EXPH5: variants seen among roughly 807,000 people sequenced by gnomAD.
The protein encoded by EXPH5 is exophilin 5.
In EXPH5, 42 loss-of-function variants were observed where a neutral mutation model predicts 41.1. The ratio of observed to expected loss-of-function variants is 1.02; its 90% CI spans 0.80 to 1.32. The LOEUF is 1.32. Among genes scored for constraint, EXPH5 ranks in the 40% most tolerant of loss-of-function variants. The pLI, the probability that EXPH5 is intolerant of heterozygous loss-of-function variation, is 0.00. For synonymous variants in EXPH5, 798 were observed against 833.5 expected (o/e 0.96, Z 0.73); for missense variants, 2,298 against 2,314.5 (o/e 0.99, Z 0.15).
rs2093713269 is a variant in EXPH5, at chr11:108,514,803, T to C, written c.704A>G (p.Asn235Ser). Residue 235 changes from asparagine to serine, a missense_variant, in exon 6 of 6, where the codon AAC becomes AGC. Transcript: ENST00000265843. ...ASSVNTRTPL[N>S]YGSRTQFGHF... ...ACCGAACTGTGTTCTTGATCCATAG[T>C]TGAGGGGTGTTCTGGTATTCACTGA... 1 of 1,596,264 alleles carries C rather than the reference T, an allele frequency of 6.3e-7. No homozygotes were observed. The highest frequency in any genetic ancestry group is 1.3e-5 in the African/African-American group (1 of 74,200).
chr11:108,596,901 G>T (rs902274418), upstream of EXPH5, among the ~76,000 whole-genome samples: 1 of 152,056 alleles, frequency 6.6e-6, no homozygotes, highest in Admixed American at 6.5e-5. Context: ...TTCTCCAAAG[G>T]TTTGTTTTAT....
At chr11:108,537,103 G>C (rs2093884655) in intron 3 of EXPH5, among the ~76,000 whole-genome samples, 1 of 152,084 alleles carries the variant, frequency 6.6e-6, no homozygotes, top group Non-Finnish European at 1.5e-5. Flanking sequence ...AAGAAAGTTA[G>C]GTTCTACCTG....
chr11:108,542,551 A>G (rs2093918317), intron 1 of EXPH5, among the ~76,000 whole-genome samples: 2 of 152,202 alleles, frequency 1.3e-5, no homozygotes, highest in South Asian at 2.1e-4. Context: ...TTGTTAATTC[A>G]TTAAATGTTT....
intron 1 of EXPH5, among the ~76,000 whole-genome samples, chr11:108,550,627 A>G (rs2093959588): frequency 6.6e-6 from 1 of 151,970 alleles, no homozygotes; most frequent in Non-Finnish European, 1.5e-5. Context: ...AAAAATATAA[A>G]AATTAGCTGG....
At chr11:108,573,186 AAG>A (rs1301911097) in intron 1 of EXPH5, among the ~76,000 whole-genome samples, 92 of 138,854 alleles carry the variant, frequency 6.6e-4, no homozygotes, top group Admixed American at 1.5e-3. Context: ...GAAAGAAAGA[AAG>A]AAAGAAAGAA....
Position 108,510,814 on chromosome 11 carries a change from C to T in EXPH5, c.4693G>A (p.Asp1565Asn), listed in dbSNP as rs1352615242. The T allele has an allele frequency of 6.2e-7, 1 of 1,614,142 alleles. No individual in the cohort carries two copies. Among genetic ancestry groups the T allele is most frequent in the Non-Finnish European group, 8.5e-7 (1 of 1,180,018 alleles). Residue 1565 changes from aspartate to asparagine, a missense_variant, in exon 6 of 6, where the codon GAT (aspartate) becomes AAT (asparagine). Asp to Asn is a conservative substitution (Grantham distance 23). Transcript: ENST00000265843. ...AEDEMQKSAW[D>N]QPSLPEGNKN... ...TTTCCTTCAGGAAGTGAAGGTTGAT[C>T]CCAAGCTGACTTCTGCATTTCATCT... is the stretch of plus-strand genomic sequence containing the variant.
At chr11:108,603,535 C>A in the EXPH5 span, among the ~76,000 whole-genome samples, 2 of 152,094 alleles carry the variant, frequency 1.3e-5, no homozygotes, top group Non-Finnish European at 2.9e-5. Context: ...TAAGAAAAAT[C>A]ATATTTCACT....
Position 108,512,655 on chromosome 11 carries a change from G to C in EXPH5, c.2852C>G (p.Pro951Arg), listed in dbSNP as rs1368081178. ...GACATCAACCACTTCATCATGTGTA[G>C]GCACAGGACTATCATTTCTCTCTTG... Reference protein sequence around the residue: ...ENQERNDSPVPTHDEVVDVKC... With the variant: ...ENQERNDSPVRTHDEVVDVKC... The change falls in exon 6 of 6, where the codon CCT (proline) becomes CGT (arginine). Residue 951 changes from proline to arginine, a missense_variant. Coordinates refer to ENST00000265843, the MANE Select transcript of EXPH5 (RefSeq NM_015065.3). 3.7e-6 allele frequency: 6 copies of C among 1,614,106 alleles called. No individual in the cohort carries two copies. The highest frequency in any genetic ancestry group is 5.1e-6 in the Non-Finnish European group (6 of 1,180,000).
rs1169409122 is a variant in EXPH5 at position 108,507,524 on chromosome 11, G to T, written c.*2013C>A. ...GATCCAGGAATCCATGCTGTCTGTAGTTAAAGCAGATTATCTTCACTGCCA... is the reference window on the plus strand; with the variant it reads ...GATCCAGGAATCCATGCTGTCTGTATTTAAAGCAGATTATCTTCACTGCCA... On this transcript the variant is annotated 3_prime_UTR_variant, in exon 6 of 6. Coordinates refer to ENST00000265843, the MANE Select transcript of EXPH5 (RefSeq NM_015065.3). The T allele has an allele frequency of 6.6e-6, 1 of 152,200 alleles. No individual in the cohort carries two copies. The highest frequency in any genetic ancestry group is 2.4e-5 in the African/African-American group (1 of 41,444). 9.4% of individuals were successfully genotyped at this position (152,200 alleles called of 1,614,324 possible). A position where few individuals can be genotyped will look rare whatever the true frequency, so the allele number is the denominator to read the frequency against.
In EXPH5 at chr11:108,510,642, T is replaced by TG. The variant is rs1442102041; in HGVS notation, c.4864dup (p.Gln1622ProfsTer9). 6.2e-7 allele frequency: 1 copy of TG among 1,614,204 alleles called. No individual in the cohort carries two copies. Among genetic ancestry groups the TG allele is most frequent in the Non-Finnish European group, 8.5e-7 (1 of 1,180,030 alleles). On this transcript the variant is annotated frameshift_variant, in exon 6 of 6. Coordinates refer to ENST00000265843, the MANE Select transcript of EXPH5 (RefSeq NM_015065.3). LOFTEE classifies it low-confidence loss of function (END_TRUNC). The stretch of plus-strand genomic sequence containing the variant: ...GTCAAAGCCAGATCTGCTTCCACTT[T>TG]GGGGGAAGATAGTAGCTACATGTCT...
chr11:108,606,139 C>T, the EXPH5 span, among the ~76,000 whole-genome samples: 1 of 152,174 alleles, frequency 6.6e-6, no homozygotes, highest in Admixed American at 6.5e-5. Flanking sequence ...AGCGATCCTC[C>T]CTCCTCGGCC....
upstream of EXPH5, among the ~76,000 whole-genome samples, chr11:108,595,174 C>A (rs2094136992): frequency 6.6e-6 from 1 of 152,210 alleles, no homozygotes; most frequent in Non-Finnish European, 1.5e-5. Flanking sequence ...GTGCCTATTA[C>A]ATGAAGGCAT....
chr11:108,536,400 G>C (rs1049675669), intron 3 of EXPH5, among the ~76,000 whole-genome samples: 23 of 151,856 alleles, frequency 1.5e-4, no homozygotes, highest in Admixed American at 6.6e-5. Context: ...CAAGTTGCTG[G>C]GACTACAGGC....
chr11:108,572,920 A>C (rs770740858), intron 1 of EXPH5, among the ~76,000 whole-genome samples: 4 of 152,102 alleles, frequency 2.6e-5, no homozygotes, highest in Non-Finnish European at 4.4e-5. Flanking sequence ...GAAGTAAATT[A>C]ATTTTGATAC....
At chr11:108,590,946 C>G (rs1010271354) in intron 1 of EXPH5, among the ~76,000 whole-genome samples, 10 of 152,238 alleles carry the variant, frequency 6.6e-5, no homozygotes, top group Non-Finnish European at 1.5e-4. Context: ...AGCCACCGGG[C>G]CCAGCCCCAA....
At chr11:108,584,228 C>A (rs1179858572) in intron 1 of EXPH5, among the ~76,000 whole-genome samples, 3 of 152,130 alleles carry the variant, frequency 2.0e-5, no homozygotes, top group African/African-American at 7.2e-5. Context: ...ATAATCCCAG[C>A]ACTTTGGGAG....
At chr11:108,543,565 G>A (rs2093923589) in intron 1 of EXPH5, among the ~76,000 whole-genome samples, 2 of 152,186 alleles carry the variant, frequency 1.3e-5, no homozygotes, top group Non-Finnish European at 2.9e-5. Flanking sequence ...GTTATCCTTT[G>A]TTCAGGGTCT....
At position 108,511,794 on chromosome 11, in the gene EXPH5, G is replaced by T. The variant is rs770907724; in HGVS notation, c.3713C>A (p.Ser1238Tyr). 4 of 1,609,650 alleles carry T rather than the reference G, an allele frequency of 2.5e-6. No homozygotes were observed. The highest frequency in any genetic ancestry group is 3.4e-6 in the Non-Finnish European group (4 of 1,179,020). Reference sequence around the variant, plus strand: ...ACATTTTACATTATCTTCATCACCAGAAACAGAAAACGTACTAGTCGTCTT... The same window carrying T: ...ACATTTTACATTATCTTCATCACCATAAACAGAAAACGTACTAGTCGTCTT... ...KVKTTSTFSV[S>Y]GDEDNVKCLE... Residue 1238 changes from serine to tyrosine, a missense_variant, in exon 6 of 6, where the codon TCT (serine) becomes TAT (tyrosine). Physicochemically the swap from Ser to Tyr is moderately radical, Grantham distance 144. Coordinates refer to ENST00000265843, the MANE Select transcript of EXPH5 (RefSeq NM_015065.3).
upstream of EXPH5, among the ~76,000 whole-genome samples, chr11:108,596,653 A>T (rs924913027): frequency 2.6e-5 from 4 of 152,188 alleles, no homozygotes; most frequent in Non-Finnish European, 5.9e-5. Flanking sequence ...ATGGTTGCCA[A>T]AACCCTAAGA....
Sources: gnomAD v4.1 joint callset for allele counts (sites outside exome capture counted in the v4.1 genomes callset) on GRCh38, gnomAD v4.1.1 for gene constraint, MANE v1.5 for transcripts, NCBI Gene and HGNC (gene_info 2026-07-23, HGNC 2026-07-21) for gene names.